PRAG1: variants seen among roughly 807,000 people sequenced by gnomAD.
PRAG1 encodes the protein inactive tyrosine-protein kinase PRAG1.
In PRAG1, 110 loss-of-function variants were observed where a neutral mutation model predicts 95.6. The observed-to-expected ratio is 1.15, with a 90% CI of 0.99 to 1.35. PRAG1 has a LOEUF of 1.35. PRAG1 is among the 40% of genes most tolerant of loss of function. The probability of loss-of-function intolerance (pLI) is 0.00; values close to 1 mark genes in which losing one functional copy is unlikely to be tolerated. For synonymous variants in PRAG1, 1,052 were observed against 819.4 expected, an observed-to-expected ratio of 1.28 and a Z score of -4.85; for missense variants, 2,554 against 1,864.7, an observed-to-expected ratio of 1.37 and a Z score of -6.81.
chr8:8,322,338 A>G (rs1314129050), intron 5 of PRAG1, among the ~76,000 whole-genome samples: 4 of 151,786 alleles, frequency 2.6e-5, no homozygotes, highest in Admixed American at 2.0e-4. Flanking sequence ...CTGCCACCAC[A>G]CTCGACTAAA....
intron 3 of PRAG1, among the ~76,000 whole-genome samples, chr8:8,354,533 T>A (rs1229110632): frequency 1.3e-5 from 2 of 152,180 alleles, no homozygotes; most frequent in Admixed American, 6.5e-5. Context: ...CAATTCTCAA[T>A]AAAGTATTGC....
intron 4 of PRAG1, among the ~76,000 whole-genome samples, chr8:8,333,645 G>A (rs1174877415): frequency 6.6e-6 from 1 of 152,186 alleles, no homozygotes; most frequent in Non-Finnish European, 1.5e-5. Flanking sequence ...GTTCTCTGCA[G>A]CCAAAATGAG....
intron 2 of PRAG1, among the ~76,000 whole-genome samples, 166 bp downstream of exon 2, chr8:8,381,252 G>A (rs1038988436): frequency 6.6e-6 from 1 of 152,226 alleles, no homozygotes; most frequent in Non-Finnish European, 1.5e-5. Flanking sequence ...AGAGAAAGGA[G>A]AGCAGCTACA....
chr8:8,330,022 A>G (rs1019101379), intron 4 of PRAG1, among the ~76,000 whole-genome samples: 1 of 152,214 alleles, frequency 6.6e-6, no homozygotes, highest in Non-Finnish European at 1.5e-5. Context: ...GCTGAGCAAG[A>G]CTATGGGGTC....
At chr8:8,367,493 A>G (rs1800048520) in intron 3 of PRAG1, among the ~76,000 whole-genome samples, 2 of 106,748 alleles carry the variant, frequency 1.9e-5, no homozygotes, top group African/African-American at 7.5e-5. Context: ...AAAAAAAAAA[A>G]AAAAAGAATC....
At chr8:8,364,728 C>G (rs372236160) in intron 3 of PRAG1, among the ~76,000 whole-genome samples, 6 of 151,744 alleles carry the variant, frequency 4.0e-5, no homozygotes, top group African/African-American at 1.5e-4. Flanking sequence ...CGTAAGCAAT[C>G]TGTACTTTTC....
chr8:8,347,131 G>C (rs887178533), intron 3 of PRAG1, among the ~76,000 whole-genome samples: 1 of 152,192 alleles, frequency 6.6e-6, no homozygotes, highest in African/African-American at 2.4e-5. Context: ...ACCAATAATT[G>C]TCTCAAAGAC....
intron 3 of PRAG1, among the ~76,000 whole-genome samples, chr8:8,342,714 G>A (rs1024962320): frequency 3.3e-5 from 5 of 152,020 alleles, no homozygotes; most frequent in Non-Finnish European, 5.9e-5. Context: ...TATTTATGAT[G>A]TGAAGAAAAA....
At chr8:8,340,620 T>C (rs1276158531) in intron 3 of PRAG1, among the ~76,000 whole-genome samples, 1 of 152,272 alleles carries the variant, frequency 6.6e-6, no homozygotes, top group Non-Finnish European at 1.5e-5. Flanking sequence ...AGAACTGCCT[T>C]ATTTAATGCG....
chr8:8,325,220 C>T (rs1798596193), intron 5 of PRAG1, among the ~76,000 whole-genome samples: 1 of 152,152 alleles, frequency 6.6e-6, no homozygotes, highest in Admixed American at 6.5e-5. Context: ...TGCTCCAGGG[C>T]CCCCACGGCC....
At chr8:8,384,394 T>A (rs1027141213) in intron 1 of PRAG1, among the ~76,000 whole-genome samples, 1 of 151,914 alleles carries the variant, frequency 6.6e-6, no homozygotes, top group Non-Finnish European at 1.5e-5. Context: ...CACTCTTTGC[T>A]CCCATTCTCA....
At chr8:8,383,445 G>C (rs185674263) in intron 1 of PRAG1, among the ~76,000 whole-genome samples, 3 of 152,150 alleles carry the variant, frequency 2.0e-5, no homozygotes, top group Non-Finnish European at 4.4e-5. Flanking sequence ...TCCAGGTGTA[G>C]CCATGCATGC....
At chr8:8,371,734 G>A (rs1469885284) in intron 3 of PRAG1, among the ~76,000 whole-genome samples, 2 of 152,108 alleles carry the variant, frequency 1.3e-5, no homozygotes, top group Non-Finnish European at 2.9e-5. Context: ...CGGGGGCATG[G>A]TGGCACGTGC....
intron 3 of PRAG1, among the ~76,000 whole-genome samples, chr8:8,357,352 C>G (rs1799713645): frequency 6.6e-6 from 1 of 151,964 alleles, no homozygotes; most frequent in Non-Finnish European, 1.5e-5. Flanking sequence ...ACCAAACAAT[C>G]CAATTAAAAA....
Position 8,318,210 on chromosome 8 carries a change from C to T in PRAG1, c.4165G>A (p.Ala1389Thr). The T allele has an allele frequency of 6.2e-7, 1 of 1,614,144 alleles. No homozygotes were observed. Among genetic ancestry groups the T allele is most frequent in the Non-Finnish European group, 8.5e-7 (1 of 1,180,020 alleles). Reference protein sequence around the residue: ...LEDWLCCQYLASAEPGALLQS... With the variant: ...LEDWLCCQYLTSAEPGALLQS... Reference sequence around the variant, plus strand: ...AAGAGGGCCCCGGGCTCCGCAGACGCCAGGTACTGGCAGCAAAGCCAGTCC... The same window carrying T: ...AAGAGGGCCCCGGGCTCCGCAGACGTCAGGTACTGGCAGCAAAGCCAGTCC... Residue 1389 changes from alanine to threonine, a missense_variant, in exon 6 of 6, where the codon GCG (alanine) becomes ACG (threonine). By Grantham distance (58) the Ala-to-Thr change is moderately conservative. Coordinates refer to ENST00000615670, the MANE Select transcript of PRAG1 (RefSeq NM_001080826.3). This position sits in a 1 kb window ranked among gnomAD's most constrained non-coding sequence, Gnocchi z 4.2.
chr8:8,336,841 G>C (rs978604772), intron 4 of PRAG1, among the ~76,000 whole-genome samples: 50 of 151,330 alleles, frequency 3.3e-4, no homozygotes, highest in Admixed American at 2.0e-3. Flanking sequence ...AACAAAGTTA[G>C]AGATTTCTAT....
chr8:8,368,050 C>A (rs756071836), intron 3 of PRAG1, among the ~76,000 whole-genome samples: 6 of 152,168 alleles, frequency 3.9e-5, no homozygotes, highest in Admixed American at 2.0e-4. Flanking sequence ...AGTAATATCA[C>A]CACCAGCTAT....
chr8:8,345,141 C>G (rs1367329891), intron 3 of PRAG1, among the ~76,000 whole-genome samples: 2 of 150,034 alleles, frequency 1.3e-5, no homozygotes, highest in East Asian at 3.9e-4. Flanking sequence ...ATCTTAGTTT[C>G]TAAGCCACAA....
In PRAG1 at chr8:8,328,629, CA is replaced by C. The variant is rs1258303931; in HGVS notation, c.2321-169del. 4.1e-4 allele frequency among the ~76,000 whole-genome samples: 62 copies of C among 152,304 alleles called. 1 individual carries two copies. The highest frequency in any genetic ancestry group is 9.8e-4 in the Admixed American group (15 of 15,304). ...ACAATATATGCACAATGGAAAAAAT[CA>C]AAATGCAGAAAAGGTATAGATTGAC... On this transcript the variant is annotated intron_variant, in intron 4 of 5. Coordinates refer to ENST00000615670, the MANE Select transcript of PRAG1 (RefSeq NM_001080826.3).
Sources: allele counts gnomAD v4.1 joint callset (sites outside exome capture counted in the v4.1 genomes callset), GRCh38; gene constraint gnomAD v4.1.1; non-coding constraint Gnocchi (gnomAD v3.1); transcripts MANE v1.5; gene names NCBI Gene and HGNC (gene_info 2026-07-23, HGNC 2026-07-21).